Variants in ZFHX3 observed in about 807,000 individuals in gnomAD.
ZFHX3 encodes zinc finger homeobox 3.
Under a neutral mutation model 279.1 loss-of-function variants are expected in ZFHX3, and 42 were observed. The ratio of observed to expected loss-of-function variants is 0.15; its 90% confidence interval spans 0.12 to 0.19. ZFHX3 has a LOEUF of 0.19. ZFHX3 is among the 10% of genes least tolerant of loss of function. The probability of loss-of-function intolerance (pLI) is 1.00; values close to 1 mark genes in which losing one functional copy is unlikely to be tolerated. For synonymous variants in ZFHX3, 2,293 were observed against 1,957.8 expected, an observed-to-expected ratio of 1.17 and a Z score of -4.52; for missense variants, 4,981 against 4,754.0, an observed-to-expected ratio of 1.05 and a Z score of -1.40.
chr16:73,860,861 C>T (rs1446824828), intron 1 of ZFHX3, among the ~76,000 whole-genome samples: 2 of 152,082 alleles, frequency 1.3e-5, no homozygotes, highest in East Asian at 1.9e-4. Flanking sequence ...CCCCACTCAC[C>T]GTTTTCTCCA....
rs755058886 is a variant in ZFHX3 at position 72,958,957 on chromosome 16, G to C, written c.1189C>G (p.Pro397Ala). ...CCGCCAAGGTTCAACAGGGTGCTGG[G>C]GGTCAAGAGACCAGCCTGGGGCTGC... ...PEQPQAGLLT[P>A]STLLNLGGLT... The change falls in exon 2 of 10, where the codon CCC becomes GCC. Residue 397 changes from proline to alanine, a missense_variant. Pro to Ala is a conservative substitution (Grantham distance 27). Around this residue, in one of 7 missense-constraint regions of ZFHX3, gnomAD observed 1,068 missense variants for 935.2 expected, o/e 1.14. Transcript: ENST00000268489. 1 of 1,598,564 alleles carries C rather than the reference G, an allele frequency of 6.3e-7. No homozygotes were observed. The highest frequency in any genetic ancestry group is 1.3e-5 in the African/African-American group (1 of 74,256).
chr16:73,247,350 G>A lies in ZFHX3; in HGVS notation c.-1104+9697C>T, dbSNP rs545738647. ...GGTGTGTGTATACTGTGTATATAAC[G>A]TATTTGTGTGTCTATGTGCCTGTAT... is the stretch of plus-strand genomic sequence containing the variant. On this transcript the variant is annotated intron_variant, in intron 5 of 17. Transcript: ENST00000641206. 1.1e-4 allele frequency among the ~76,000 whole-genome samples: 17 copies of A among 151,772 alleles called. No homozygotes were observed. The East Asian group carries it at 2.1e-3, about 19-fold the overall frequency.
At chr16:73,113,262 G>A (rs773571664) in intron 7 of ZFHX3, among the ~76,000 whole-genome samples, 2 of 151,864 alleles carry the variant, frequency 1.3e-5, no homozygotes, top group Non-Finnish European at 2.9e-5. Flanking sequence ...AGGGAGGAAG[G>A]AGACATTATA....
intron 7 of ZFHX3, among the ~76,000 whole-genome samples, chr16:73,114,425 C>T (rs921577604): frequency 6.6e-6 from 1 of 152,006 alleles, no homozygotes; most frequent in African/African-American, 2.4e-5. Context: ...CCTGTAATCA[C>T]AGCACTTTGG....
At chr16:73,600,496 C>G (rs1032078305) in intron 2 of ZFHX3, among the ~76,000 whole-genome samples, 2 of 150,030 alleles carry the variant, frequency 1.3e-5, no homozygotes, top group African/African-American at 4.9e-5. Context: ...CCACTCGCTG[C>G]TAGCTCCACC....
At chr16:73,820,507 T>C (rs1192192576) in intron 1 of ZFHX3, among the ~76,000 whole-genome samples, 3 of 152,082 alleles carry the variant, frequency 2.0e-5, no homozygotes, top group African/African-American at 4.8e-5. Context: ...ATGTGGATGA[T>C]AGGTTCTGGT....
Position 72,795,298 on chromosome 16 carries a change from G to T in ZFHX3, c.7384C>A (p.Gln2462Lys). 1 of 1,613,934 alleles carries T rather than the reference G, an allele frequency of 6.2e-7. No homozygotes were observed. ...TTCTGCTGGGGAGTGTTGGTCTTCT[G>T]CTCGGGCTGCTCTTGCTGCTGCAGC... is the stretch of plus-strand genomic sequence containing the variant. Reference protein sequence around the residue: ...PELQQQEQPEQKTNTPQQKLP... With the variant: ...PELQQQEQPEKKTNTPQQKLP... Residue 2462 changes from glutamine (Q) to lysine (K), a missense_variant, in exon 9 of 10, where the codon CAG (glutamine) becomes AAG (lysine). This residue lies in a region of ZFHX3 where 744 missense variants were observed against 701.3 expected (regional missense o/e 1.06). Transcript: ENST00000268489.
Position 72,960,042 on chromosome 16 carries a change from T to A in ZFHX3, c.104A>T (p.Lys35Ile). The A allele has an allele frequency of 6.2e-7, 1 of 1,613,952 alleles. No homozygotes were observed. The highest frequency in any genetic ancestry group is 1.3e-5 in the African/African-American group (1 of 75,024). Residue 35 changes from lysine to isoleucine, a missense_variant, in exon 2 of 10, where the codon AAA (lysine) becomes ATA (isoleucine). Lys to Ile is a moderately radical substitution (Grantham distance 102). Transcript: ENST00000268489. ...TGTGGACTGCTCCATGCTACTGGGT[T>A]TGTCAGGGAGGTGGGTGCTGTTGAG... ...TELNSTHLPD[K>I]PSSMEQSTGE...
chr16:72,939,214 G>T (rs770599694), intron 3 of ZFHX3, among the ~76,000 whole-genome samples: 1 of 152,112 alleles, frequency 6.6e-6, no homozygotes, highest in Non-Finnish European at 1.5e-5. Context: ...AGCTGGGGAC[G>T]AGCCAGTGGG....
chr16:73,557,707 C>G (rs1017976245), intron 2 of ZFHX3, among the ~76,000 whole-genome samples: 2 of 152,058 alleles, frequency 1.3e-5, no homozygotes, highest in Non-Finnish European at 2.9e-5. Flanking sequence ...TTACTGCGAA[C>G]TGTTTTATCA....
At chr16:73,485,283 T>C (rs887122188) in intron 2 of ZFHX3, among the ~76,000 whole-genome samples, 1 of 152,120 alleles carries the variant, frequency 6.6e-6, no homozygotes, top group African/African-American at 2.4e-5. Flanking sequence ...TTTCTTTCCT[T>C]TGTGTAATGT....
chr16:73,849,617 A>G (rs1032813068), intron 1 of ZFHX3, among the ~76,000 whole-genome samples: 1 of 152,220 alleles, frequency 6.6e-6, no homozygotes, highest in Non-Finnish European at 1.5e-5. Flanking sequence ...TCAACAAACT[A>G]TGTTCCACTA....
In ZFHX3 at chr16:72,933,813, C is replaced by CTTTTTTTTTTTTTTTTTT. The variant is rs71391468; in HGVS notation, c.3216+16638_3216+16655dup. On this transcript the variant is annotated intron_variant, in intron 3 of 9. Transcript: ENST00000268489. ...TATGAAATGTTTAGCTCACAACTTT[C>CTTTTTTTTTTTTTTTTTT]TTTTTTTTTTTTTTTTTTTTTTTGA... 7.5e-4 allele frequency among the ~76,000 whole-genome samples: 84 copies of CTTTTTTTTTTTTTTTTTT among 112,468 alleles called. 7 individuals carry two copies. The highest frequency in any genetic ancestry group is 1.1e-3 in the Non-Finnish European group (55 of 50,706). The allele number at this position is 112,468 out of a possible 152,430, so 73.8% of individuals were successfully genotyped here.
intron 8 of ZFHX3, among the ~76,000 whole-genome samples, chr16:73,088,803 A>T (rs749937765): frequency 1.3e-5 from 2 of 152,154 alleles, no homozygotes; most frequent in Non-Finnish European, 2.9e-5. Context: ...TATCACAAGA[A>T]GTCTGGTCTT....
In ZFHX3 at chr16:72,787,113, T is replaced by TATTA; in HGVS notation, c.*47_*50dup. On this transcript the variant is annotated 3_prime_UTR_variant, in exon 10 of 10. Transcript: ENST00000268489. ...TAGTCTATTTTTGAAATTGGTTTGT[T>TATTA]ATTAATTTTTGTATTTAAATTCATT... 10 of 1,351,838 alleles carry TATTA rather than the reference T, an allele frequency of 7.4e-6. No individual in the cohort carries two copies. The highest frequency in any genetic ancestry group is 9.6e-6 in the Non-Finnish European group (10 of 1,041,616). The allele number at this position is 1,351,838 out of a possible 1,614,324, so 83.7% of individuals were successfully genotyped here.
chr16:73,888,549 T>C (rs537931614), intron 1 of ZFHX3, among the ~76,000 whole-genome samples: 1 of 152,376 alleles, frequency 6.6e-6, no homozygotes, highest in East Asian at 1.9e-4. Flanking sequence ...ACTTTTACTT[T>C]ATCTAATTGA....
chr16:73,272,901 C>T (rs1412607032), intron 4 of ZFHX3, among the ~76,000 whole-genome samples: 1 of 152,100 alleles, frequency 6.6e-6, no homozygotes, highest in East Asian at 1.9e-4. Flanking sequence ...CAGGTGCCAT[C>T]ACACCTGGCT....
At chr16:73,375,598 T>C (rs2016708918) in intron 3 of ZFHX3, among the ~76,000 whole-genome samples, 1 of 152,238 alleles carries the variant, frequency 6.6e-6, no homozygotes, top group Admixed American at 6.5e-5. Flanking sequence ...AAATACATTA[T>C]AAGTTTATAC....
intron 5 of ZFHX3, among the ~76,000 whole-genome samples, chr16:72,818,894 T>A (rs1236635226): frequency 7.9e-5 from 12 of 152,198 alleles, no homozygotes; most frequent in Admixed American, 7.9e-4. Context: ...TCACAGGCCT[T>A]TTGTTTCTAA....
Sources: gnomAD v4.1 joint callset for allele counts (sites outside exome capture counted in the v4.1 genomes callset) on GRCh38, gnomAD v4.1.1 for gene constraint, gnomAD v4.1.1 regional missense constraint, MANE v1.5 for transcripts, NCBI Gene and HGNC (gene_info 2026-07-23, HGNC 2026-07-21) for gene names.